The following GPHN variants were observed in gnomAD, a reference collection of about 807,000 sequenced individuals.
The protein encoded by GPHN is gephyrin.
GPHN carries 17 observed loss-of-function variants against 95.5 expected under a neutral mutation model. The observed-to-expected ratio is 0.18, with a 90% CI of 0.12 to 0.27. The LOEUF (loss-of-function observed/expected upper bound fraction) is 0.27. Among genes scored for constraint, GPHN ranks in the 10% least tolerant of loss-of-function variants. The pLI is 1.00. For synonymous variants in GPHN, 320 were observed against 322.5 expected, an observed-to-expected ratio of 0.99 and a Z score of 0.08; for missense variants, 660 against 978.1, an observed-to-expected ratio of 0.67 and a Z score of 4.34.
At chr14:67,706,037 C>T in the GPHN span, 1 of 152,146 alleles carries the variant, frequency 6.6e-6, no homozygotes, top group Non-Finnish European at 1.5e-5. Flanking sequence ...ACGTTCTGGG[C>T]TTGTAGTGTA....
the GPHN span, among the ~76,000 whole-genome samples, chr14:67,452,804 T>G: frequency 6.6e-6 from 1 of 152,184 alleles, no homozygotes; most frequent in Non-Finnish European, 1.5e-5. Flanking sequence ...TTTTAAGTAT[T>G]GGAATGGTTA....
chr14:67,173,864 T>TA (rs138527141), intron 21 of GPHN, among the ~76,000 whole-genome samples: 14,982 of 150,306 alleles, frequency 0.1, 982 homozygotes, highest in Non-Finnish European at 0.15. Flanking sequence ...TTAGGAATCA[T>TA]AAAAAAAAAC....
At chr14:67,225,593 T>A in the GPHN span, among the ~76,000 whole-genome samples, 7,103 of 152,266 alleles carry the variant, frequency 0.047, 185 homozygotes, top group Non-Finnish European at 0.054. Context: ...GCTTTTTAGA[T>A]CAGCCAATAC....
At chr14:67,262,145 A>G in the GPHN span, among the ~76,000 whole-genome samples, 1 of 152,166 alleles carries the variant, frequency 6.6e-6, no homozygotes, top group Non-Finnish European at 1.5e-5. Context: ...TTTCAGGGCA[A>G]TTGTAGAGAT....
At chr14:67,631,682 T>A in the GPHN span, among the ~76,000 whole-genome samples, 31 of 152,194 alleles carry the variant, frequency 2.0e-4, no homozygotes, top group African/African-American at 6.8e-4. Flanking sequence ...TCCTCCTGCC[T>A]TGGCCTTCCA....
the GPHN span, among the ~76,000 whole-genome samples, chr14:67,493,372 G>A: frequency 3.3e-5 from 5 of 152,262 alleles, no homozygotes; most frequent in East Asian, 5.8e-4. Flanking sequence ...GTAGCCAATC[G>A]GAATTAGTTT....
the GPHN span, among the ~76,000 whole-genome samples, chr14:67,419,341 A>G: frequency 6.6e-6 from 1 of 152,166 alleles, no homozygotes; most frequent in Non-Finnish European, 1.5e-5. Flanking sequence ...GCTGCTCTCC[A>G]GGCCTCAGGG....
intron 5 of GPHN, among the ~76,000 whole-genome samples, chr14:66,906,783 C>T (rs1033419716): frequency 1.3e-5 from 2 of 152,034 alleles, no homozygotes; most frequent in African/African-American, 4.8e-5. Context: ...AGGAATTTTC[C>T]TGTTATCTTT....
chr14:66,682,113 T>A (rs1373744861), intron 2 of GPHN, among the ~76,000 whole-genome samples: 1 of 152,214 alleles, frequency 6.6e-6, no homozygotes, highest in African/African-American at 2.4e-5. Context: ...TTAAAAAATA[T>A]GAGAGTGCTG....
intron 1 of GPHN, among the ~76,000 whole-genome samples, chr14:66,633,003 G>A (rs1316171640): frequency 6.6e-6 from 1 of 152,110 alleles, no homozygotes; most frequent in East Asian, 1.9e-4. Flanking sequence ...CTCAGGCCAG[G>A]CCTTCTTCAC....
chr14:67,651,262 G>T, the GPHN span: 1 of 1,568,708 alleles, frequency 6.4e-7, no homozygotes, highest in Non-Finnish European at 8.6e-7. Context: ...CCCACAGCCT[G>T]GCTATACAGT....
the GPHN span, among the ~76,000 whole-genome samples, chr14:67,206,420 C>T: frequency 1.3e-5 from 2 of 151,970 alleles, no homozygotes; most frequent in African/African-American, 2.4e-5. Flanking sequence ...TGTTTGAAAC[C>T]GGGAGGTGGA....
chr14:67,385,154 G>A, the GPHN span: 1 of 152,054 alleles, frequency 6.6e-6, no homozygotes, highest in African/African-American at 2.4e-5. Flanking sequence ...ATACCACGAG[G>A]AAAAGAACAA....
At chr14:67,186,193 A>C (rs1300513752), downstream of GPHN, among the ~76,000 whole-genome samples, 1 of 152,216 alleles carries the variant, frequency 6.6e-6, no homozygotes, top group Non-Finnish European at 1.5e-5. Flanking sequence ...CCGAGAATAC[A>C]ATGATGAATG....
chr14:66,784,690 T>C (rs1241361285), intron 3 of GPHN, among the ~76,000 whole-genome samples: 1 of 152,166 alleles, frequency 6.6e-6, no homozygotes, highest in Non-Finnish European at 1.5e-5. Flanking sequence ...ATCTGTATAT[T>C]GTAATACTGA....
intron 1 of GPHN, among the ~76,000 whole-genome samples, chr14:66,606,178 A>C (rs1351728663): frequency 6.6e-6 from 1 of 152,118 alleles, no homozygotes; most frequent in African/African-American, 2.4e-5. Flanking sequence ...TATGCGGTGA[A>C]AGGTAGAGAC....
At chr14:66,542,617 A>C (rs766890050) in intron 1 of GPHN, among the ~76,000 whole-genome samples, 7 of 152,178 alleles carry the variant, frequency 4.6e-5, no homozygotes. Context: ...CTCCTATGTC[A>C]TAAAGTTTTT....
intron 2 of GPHN, among the ~76,000 whole-genome samples, chr14:66,734,883 A>G (rs1354611676): frequency 2.0e-5 from 3 of 152,210 alleles, no homozygotes; most frequent in Non-Finnish European, 4.4e-5. Context: ...ACACACTTAT[A>G]AAGTCTAAAG....
At chr14:67,387,517 G>A in the GPHN span, 1 of 1,541,860 alleles carries the variant, frequency 6.5e-7, no homozygotes, top group Non-Finnish European at 8.8e-7. Flanking sequence ...CTTTCATCTT[G>A]AACCAGCAGA....
Sources: allele counts gnomAD v4.1 joint callset (sites outside exome capture counted in the v4.1 genomes callset), GRCh38; gene constraint gnomAD v4.1.1; transcripts MANE v1.5; gene names NCBI Gene and HGNC (gene_info 2026-07-23, HGNC 2026-07-21).